Variants in MOXD1 observed in about 807,000 individuals in gnomAD.
MOXD1 encodes the protein monooxygenase DBH like 1, also known as DBH-like monooxygenase protein 1.
Under a neutral mutation model 66.6 loss-of-function variants are expected in MOXD1, and 62 were observed. The ratio of observed to expected loss-of-function variants is 0.93; its 90% confidence interval spans 0.76 to 1.15. The LOEUF is 1.15. Among genes scored for constraint, MOXD1 ranks in the 50% most tolerant of loss-of-function variants. The probability of loss-of-function intolerance (pLI) is 0.00; values close to 1 mark genes in which losing one functional copy is unlikely to be tolerated. For missense variants in MOXD1, 847 were observed against 754.6 expected (o/e 1.12, Z -1.44); for synonymous variants, 303 against 281.9 (o/e 1.07, Z -0.75).
intron 4 of MOXD1, among the ~76,000 whole-genome samples, chr6:132,331,093 A>G (rs531108865): frequency 8.5e-5 from 13 of 152,326 alleles, no homozygotes; most frequent in African/African-American, 2.9e-4. Flanking sequence ...CATAGTAACA[A>G]TGATTGCACA....
chr6:132,308,607 T>A (rs1309373543), intron 10 of MOXD1, among the ~76,000 whole-genome samples: 1 of 152,166 alleles, frequency 6.6e-6, no homozygotes, highest in Non-Finnish European at 1.5e-5. Context: ...TGAACATCGA[T>A]GCGAAAATAC....
At chr6:132,303,704 TACATACACACACAC>T (rs1415008106) in intron 10 of MOXD1, among the ~76,000 whole-genome samples, 1 of 134,750 alleles carries the variant, frequency 7.4e-6, no homozygotes, top group African/African-American at 3.0e-5. Context: ...GCTGACTGTA[TACATACACACACAC>T]ACACACACAC....
intron 6 of MOXD1, among the ~76,000 whole-genome samples, chr6:132,326,036 C>T (rs1436814593): frequency 3.3e-5 from 5 of 152,068 alleles, no homozygotes; most frequent in African/African-American, 1.2e-4. Context: ...GCATCTACTT[C>T]CTTATAAGTT....
In MOXD1 at chr6:132,401,307, G is replaced by C; in HGVS notation, c.120C>G (p.Gly40=). Residue 40 remains glycine (G), a synonymous_variant, in exon 1 of 12, where the codon GGC becomes GGG. Coordinates refer to ENST00000367963, the MANE Select transcript of MOXD1 (RefSeq NM_015529.4). The stretch of plus-strand genomic sequence containing the variant: ...CGATCTGGCTGCCCCGCTGGCTCCA[G>C]CCCAGCCAGTACTTGCCCTCCGAGT... The part of the protein sequence containing the change: ...LLDSEGKYWL[G]WSQRGSQIAF... 6.3e-7 allele frequency: 1 copy of C among 1,594,732 alleles called. No homozygotes were observed. The highest frequency in any genetic ancestry group is 8.5e-7 in the Non-Finnish European group (1 of 1,175,790).
At chr6:132,297,426 G>A (rs994380532) in intron 11 of MOXD1, 109 bp from the exon 12 acceptor site, 70 of 1,143,714 alleles carry the variant, frequency 6.1e-5, no homozygotes, top group Non-Finnish European at 8.1e-5. Context: ...GGGCAGGAGT[G>A]GTTACCAAAG....
chr6:132,359,518 G>A (rs1185790554), intron 4 of MOXD1, among the ~76,000 whole-genome samples: 5 of 132,696 alleles, frequency 3.8e-5, no homozygotes, highest in South Asian at 2.3e-4. Flanking sequence ...ACGGAGTCTC[G>A]CTCTGTCGCC....
intron 1 of MOXD1, among the ~76,000 whole-genome samples, chr6:132,385,461 A>AGTT (rs376088347): frequency 6.7e-5 from 9 of 133,590 alleles, no homozygotes; most frequent in Non-Finnish European, 9.6e-5. Context: ...AATATACTGA[A>AGTT]ATTATTATTA....
At chr6:132,392,065 A>C in intron 1 of MOXD1, 1 of 980,062 alleles carries the variant, frequency 1.0e-6, no homozygotes, top group Non-Finnish European at 1.5e-6. Flanking sequence ...AGGGTTGCAC[A>C]CTCTCTTCAT....
At chr6:132,379,129 T>G (rs574582687) in intron 1 of MOXD1, among the ~76,000 whole-genome samples, 46 of 151,612 alleles carry the variant, frequency 3.0e-4, no homozygotes, top group Middle Eastern at 6.8e-3. Context: ...AAAATAGAAA[T>G]AGAAATATTT....
At chr6:132,312,363 C>T (rs921062005) in intron 10 of MOXD1, among the ~76,000 whole-genome samples, 9 of 152,010 alleles carry the variant, frequency 5.9e-5, no homozygotes, top group Admixed American at 5.2e-4. Flanking sequence ...ATGCTGAATA[C>T]CAATTGGTAA....
intron 6 of MOXD1, among the ~76,000 whole-genome samples, chr6:132,327,148 C>T (rs1423295875): frequency 6.6e-6 from 1 of 152,156 alleles, no homozygotes; most frequent in Non-Finnish European, 1.5e-5. Context: ...TTAATGAAGA[C>T]TTTTTAGCCC....
intron 10 of MOXD1, among the ~76,000 whole-genome samples, chr6:132,310,169 C>T (rs1201505379): frequency 1.3e-5 from 2 of 151,738 alleles, no homozygotes; most frequent in African/African-American, 2.4e-5. Flanking sequence ...AAAAACAATC[C>T]CATTAAAAAG....
At chr6:132,346,562 A>T (rs1375700388) in intron 4 of MOXD1, among the ~76,000 whole-genome samples, 1 of 152,190 alleles carries the variant, frequency 6.6e-6, no homozygotes, top group East Asian at 1.9e-4. Context: ...GTTTTTATCC[A>T]AAGGTCTAGA....
chr6:132,387,266 G>A (rs903613466), intron 1 of MOXD1, among the ~76,000 whole-genome samples: 9 of 151,354 alleles, frequency 5.9e-5, no homozygotes, highest in Non-Finnish European at 1.2e-4. Context: ...TAGCTAATAC[G>A]TAGAGCTTTT....
chr6:132,371,814 A>T (rs1161973103), intron 4 of MOXD1, among the ~76,000 whole-genome samples: 1 of 152,182 alleles, frequency 6.6e-6, no homozygotes, highest in African/African-American at 2.4e-5. Flanking sequence ...GGGAACTGAC[A>T]GAAAGGCAGC....
chr6:132,339,867 C>CT (rs373137834), intron 4 of MOXD1, among the ~76,000 whole-genome samples: 40,974 of 132,276 alleles, frequency 0.31, 8,812 homozygotes, highest in African/African-American at 0.61. Context: ...AGCTACAGCT[C>CT]TTTTTTTTTT....
intron 1 of MOXD1, among the ~76,000 whole-genome samples, chr6:132,383,100 G>A (rs1474548004): frequency 6.6e-6 from 1 of 152,144 alleles, no homozygotes; most frequent in South Asian, 2.1e-4. Flanking sequence ...TCTTCAACAG[G>A]TGCTTGTAGT....
chr6:132,374,204 C>T (rs1195351537), intron 2 of MOXD1, among the ~76,000 whole-genome samples: 1 of 152,154 alleles, frequency 6.6e-6, no homozygotes, highest in Non-Finnish European at 1.5e-5. Context: ...GCCACCTATT[C>T]ATCTTGATTT....
chr6:132,315,854 C>T (rs975982076), intron 9 of MOXD1, 77 bp from the exon 10 acceptor site: 8 of 1,402,294 alleles, frequency 5.7e-6, no homozygotes, highest in East Asian at 4.7e-5. Flanking sequence ...TCATTAATGT[C>T]ATACAGTTCC....
Sources: allele counts gnomAD v4.1 joint callset (sites outside exome capture counted in the v4.1 genomes callset), GRCh38; gene constraint gnomAD v4.1.1; transcripts MANE v1.5; gene names NCBI Gene and HGNC (gene_info 2026-07-23, HGNC 2026-07-21).